The following PDS5B variants were observed in gnomAD, a reference collection of about 807,000 sequenced individuals.
The protein encoded by PDS5B is PDS5 cohesin associated factor B, also known as sister chromatid cohesion protein PDS5 homolog B.
Under a neutral mutation model 184.1 loss-of-function variants are expected in PDS5B, and 51 were observed. The ratio of observed to expected loss-of-function variants is 0.28; its 90% CI spans 0.22 to 0.35. PDS5B has a LOEUF of 0.35. Among genes scored for constraint, PDS5B ranks in the 10% least tolerant of loss-of-function variants. The probability of loss-of-function intolerance (pLI) is 1.00; values close to 1 mark genes in which losing one functional copy is unlikely to be tolerated. For missense variants in PDS5B, 1,180 were observed against 1,723.3 expected (o/e 0.68, Z 5.58); for synonymous variants, 566 against 569.2 (o/e 0.99, Z 0.08).
intron 27 of PDS5B, 95 bp from the exon 28 acceptor site, chr13:32,758,439 A>G: frequency 1.6e-6 from 2 of 1,251,164 alleles, no homozygotes; most frequent in African/African-American, 3.0e-5. Context: ...TTAGTTTGCT[A>G]TTCAGACTGG....
intron 19 of PDS5B, among the ~76,000 whole-genome samples, chr13:32,728,665 T>C (rs779614216): frequency 6.6e-6 from 1 of 152,178 alleles, no homozygotes; most frequent in Non-Finnish European, 1.5e-5. Context: ...CTAGAAACTA[T>C]TTAATACTTC....
intron 11 of PDS5B, 110 bp from the exon 12 acceptor site, chr13:32,687,023 CT>C: frequency 1.3e-6 from 1 of 763,438 alleles, no homozygotes; most frequent in South Asian, 1.8e-5. Context: ...GTATCTGAGA[CT>C]TAAAAAAATG....
At chr13:32,641,911 A>G (rs1950103722) in intron 1 of PDS5B, among the ~76,000 whole-genome samples, 1 of 152,120 alleles carries the variant, frequency 6.6e-6, no homozygotes, top group South Asian at 2.1e-4. Flanking sequence ...CCCCATCTCC[A>G]TTACAACGAG....
At chr13:32,599,006 G>A (rs2057928570) in intron 1 of PDS5B, among the ~76,000 whole-genome samples, 4 of 152,034 alleles carry the variant, frequency 2.6e-5, no homozygotes, top group African/African-American at 7.2e-5. Flanking sequence ...TCCTGACCTC[G>A]TGATCCGTCT....
chr13:32,755,614 A>G (rs1342383387), intron 25 of PDS5B, among the ~76,000 whole-genome samples: 2 of 152,106 alleles, frequency 1.3e-5, no homozygotes, highest in Admixed American at 6.5e-5. Flanking sequence ...CCATTTCAAT[A>G]TTGAACATGG....
intron 19 of PDS5B, among the ~76,000 whole-genome samples, chr13:32,729,813 TAA>T (rs1953041914): frequency 6.6e-6 from 1 of 152,228 alleles, no homozygotes. Flanking sequence ...TAAATTCGTT[TAA>T]GTTTCTTGTA....
intron 1 of PDS5B, among the ~76,000 whole-genome samples, chr13:32,618,084 G>T (rs1269108815): frequency 6.6e-6 from 1 of 152,184 alleles, no homozygotes; most frequent in Non-Finnish European, 1.5e-5. Context: ...AACGCTGGCT[G>T]CCAGGAGCTG....
At chr13:32,595,234 CATCTTGACTT>C (rs1438229399) in intron 1 of PDS5B, among the ~76,000 whole-genome samples, 1 of 152,010 alleles carries the variant, frequency 6.6e-6, no homozygotes, top group Non-Finnish European at 1.5e-5. Context: ...ACCTGGGAGT[CATCTTGACTT>C]CTCCATCTCC....
intron 7 of PDS5B, among the ~76,000 whole-genome samples, chr13:32,672,187 A>G (rs543464741): frequency 6.6e-6 from 1 of 152,192 alleles, no homozygotes; most frequent in Admixed American, 6.5e-5. Context: ...GTAGTTTTTC[A>G]TCAAAAATAA....
At chr13:32,705,465 G>A (rs972752331) in intron 17 of PDS5B, among the ~76,000 whole-genome samples, 1 of 151,914 alleles carries the variant, frequency 6.6e-6, no homozygotes, top group Non-Finnish European at 1.5e-5. Flanking sequence ...CCTATAATGG[G>A]GACAGATATA....
intron 1 of PDS5B, among the ~76,000 whole-genome samples, chr13:32,626,842 G>T (rs956429706): frequency 2.6e-5 from 4 of 152,114 alleles, no homozygotes; most frequent in African/African-American, 9.7e-5. Context: ...TATGGTTCAA[G>T]AATTATATGT....
At chr13:32,696,779 C>CT in intron 14 of PDS5B, 75 bp from the exon 15 acceptor site, 1 of 983,892 alleles carries the variant, frequency 1.0e-6, no homozygotes, top group Non-Finnish European at 1.6e-6. Context: ...TTATGCTTGT[C>CT]TAATTTTTTG....
At chr13:32,760,018 G>GT (rs1954319568) in intron 29 of PDS5B, among the ~76,000 whole-genome samples, 1 of 151,880 alleles carries the variant, frequency 6.6e-6, no homozygotes, top group South Asian at 2.1e-4. Context: ...GTGCAGTGGC[G>GT]CATCTCGGCT....
At chr13:32,638,014 TG>T (rs2058591369) in intron 1 of PDS5B, among the ~76,000 whole-genome samples, 1 of 152,242 alleles carries the variant, frequency 6.6e-6, no homozygotes, top group Non-Finnish European at 1.5e-5. Flanking sequence ...TAGCTGGGGT[TG>T]CTTATGCATC....
intron 1 of PDS5B, among the ~76,000 whole-genome samples, chr13:32,592,431 A>G (rs983792767): frequency 1.3e-5 from 2 of 151,886 alleles, no homozygotes; most frequent in Non-Finnish European, 2.9e-5. Flanking sequence ...AATTTTTTGC[A>G]TTTTTAGTAG....
chr13:32,664,215 CAATAT>C (rs939121301), intron 6 of PDS5B, among the ~76,000 whole-genome samples: 1 of 151,958 alleles, frequency 6.6e-6, no homozygotes, highest in African/African-American at 2.4e-5. Flanking sequence ...ACAAGACATA[CAATAT>C]AAGAGGATTG....
intron 22 of PDS5B, 61 bp downstream of exon 22, chr13:32,741,209 T>C: frequency 1.1e-6 from 1 of 903,418 alleles, no homozygotes; most frequent in Non-Finnish European, 1.8e-6. Flanking sequence ...ATATTTGAGG[T>C]ATTAAAATTT....
chr13:32,691,432 G>A (rs1485212171), intron 13 of PDS5B, among the ~76,000 whole-genome samples: 1 of 151,986 alleles, frequency 6.6e-6, no homozygotes, highest in Non-Finnish European at 1.5e-5. Flanking sequence ...TGCAGAAAAT[G>A]GATGTCTGCA....
rs780451612 is a variant in PDS5B, at chr13:32,758,142, G to A, written c.3112G>A (p.Ala1038Thr). ...GGCTAAAAATGAAAATAACAGTCACGCTTTTATCAGAAAGATGGTAGAAAA... is the reference window on the plus strand; with the variant it reads ...GGCTAAAAATGAAAATAACAGTCACACTTTTATCAGAAAGATGGTAGAAAA... ...LMAKNENNSH[A>T]FIRKMVENIK... The change falls in exon 27 of 35, where the codon GCT (alanine) becomes ACT (threonine). Residue 1038 changes from alanine (A) to threonine (T), a missense_variant. Transcript: ENST00000315596. 17 of 1,537,804 alleles carry A rather than the reference G, an allele frequency of 1.1e-5. No individual in the cohort carries two copies. The highest frequency in any genetic ancestry group is 3.6e-5 in the Admixed American group (2 of 55,558).
Sources: allele counts gnomAD v4.1 joint callset (sites outside exome capture counted in the v4.1 genomes callset), GRCh38; gene constraint gnomAD v4.1.1; transcripts MANE v1.5; gene names NCBI Gene and HGNC (gene_info 2026-07-23, HGNC 2026-07-21).